HCLS1: variants seen among roughly 807,000 people sequenced by gnomAD.
HCLS1 encodes hematopoietic cell-specific Lyn substrate 1.
Under a neutral mutation model 68.6 loss-of-function variants are expected in HCLS1, and 44 were observed. That is an observed-to-expected ratio of 0.64 (90% CI 0.50 to 0.82). The LOEUF is 0.82. HCLS1 is among the 40% of genes least tolerant of loss of function. The pLI is 0.00. For missense variants in HCLS1, 602 were observed against 612.1 expected, an observed-to-expected ratio of 0.98 and a Z score of 0.17; for synonymous variants, 217 against 225.8, an observed-to-expected ratio of 0.96 and a Z score of 0.35.
chr3:121,651,305 G>C (rs1360138220), intron 3 of HCLS1, among the ~76,000 whole-genome samples: 1 of 152,110 alleles, frequency 6.6e-6, no homozygotes. Context: ...GATGTGAACA[G>C]ATACTTCATA....
At position 121,637,247 on chromosome 3, in the gene HCLS1, C is replaced by T. The variant is rs746622181; in HGVS notation, c.464G>A (p.Arg155His). ...CACCCCGTACCGGCCACCAAAGCCA[C>T]GAGAGTAATCTGTGGTCGAAGGAGC... ...EKHTSQKDYSRGFGGRYGVEK... is the reference protein window; with the variant it reads ...EKHTSQKDYSHGFGGRYGVEK... Residue 155 changes from arginine (R) to histidine (H), a missense_variant, in exon 7 of 14, where the codon CGT becomes CAT. By Grantham distance (29) the Arg-to-His change is conservative. Coordinates refer to ENST00000314583, the MANE Select transcript of HCLS1 (RefSeq NM_005335.6). The T allele has an allele frequency of 7.6e-5, 123 of 1,612,898 alleles. No homozygotes were observed. In the Admixed American group the frequency reaches 1.0e-3, roughly 14 times the overall value.
chr3:121,643,159 T>C (rs993798239), intron 5 of HCLS1, 178 bp from the exon 6 acceptor site: 16 of 554,812 alleles, frequency 2.9e-5, no homozygotes, highest in Middle Eastern at 4.9e-4. Context: ...GCAATGAACA[T>C]AGGCCCTGGA....
At chr3:121,647,845 C>A (rs1445791476) in intron 3 of HCLS1, among the ~76,000 whole-genome samples, 2 of 152,138 alleles carry the variant, frequency 1.3e-5, no homozygotes, top group Non-Finnish European at 1.5e-5. Context: ...TATTCACATA[C>A]CATTGGACCT....
Position 121,649,699 on chromosome 3 carries a change from T to G in HCLS1, c.159-2251A>C, listed in dbSNP as rs574051865. ...GAAAACAAAAAATTCCAATTCAATATGCTGTGTTGTGCCTAAGAAACTTTT... is the reference window on the plus strand; with the variant it reads ...GAAAACAAAAAATTCCAATTCAATAGGCTGTGTTGTGCCTAAGAAACTTTT... On this transcript the variant is annotated intron_variant, in intron 3 of 13. Transcript: ENST00000314583. Among the ~76,000 whole-genome samples, 4 of 152,376 alleles carry G rather than the reference T, an allele frequency of 2.6e-5. No individual in the cohort carries two copies. The South Asian group carries it at 8.3e-4, about 32-fold the overall frequency.
At chr3:121,639,841 A>G (rs915275739) in intron 6 of HCLS1, among the ~76,000 whole-genome samples, 1 of 152,238 alleles carries the variant, frequency 6.6e-6, no homozygotes, top group Non-Finnish European at 1.5e-5. Context: ...CAATTATCTA[A>G]GTTTCTACTT....
Position 121,642,880 on chromosome 3 carries a change from G to A in HCLS1, c.454+47C>T, listed in dbSNP as rs369094417. The A allele has an allele frequency of 1.9e-4, 278 of 1,459,740 alleles. 1 individual carries two copies. Among genetic ancestry groups the A allele is most frequent in the Non-Finnish European group, 2.6e-4 (274 of 1,039,678 alleles). 90.4% of individuals were successfully genotyped at this position (1,459,740 alleles called of 1,614,324 possible). ...TGGAAGATAAAGTCTTAGCAGAAGA[G>A]CCTGCCGGTCAGATTGCTGAGGCTG... On this transcript the variant is annotated intron_variant, in intron 6 of 13. Transcript: ENST00000314583.
At chr3:121,654,918 A>G (rs1380299077) in intron 3 of HCLS1, among the ~76,000 whole-genome samples, 2 of 152,158 alleles carry the variant, frequency 1.3e-5, no homozygotes, top group African/African-American at 4.8e-5. Context: ...AATAGTGGAG[A>G]CTTACTACTG....
In HCLS1 at chr3:121,644,902, G is replaced by A. The variant is rs375971571; in HGVS notation, c.315C>T (p.Ala105=). 123 of 1,613,704 alleles carry A rather than the reference G, an allele frequency of 7.6e-5. No homozygotes were observed. The highest frequency in any genetic ancestry group is 8.9e-5 in the Non-Finnish European group (105 of 1,179,836). ...DKSAVGHEYV[A]EVEKHSSQTD... ...TCTGAGAAGAGTGCTTCTCCACCTC[G>A]GCAACATACTCATGGCCCACTGCAC... Residue 105 remains alanine (A), a synonymous_variant, in exon 5 of 14, where the codon GCC becomes GCT. Transcript: ENST00000314583.
rs746323611 is a variant in HCLS1 at position 121,632,583 on chromosome 3, A to T, written c.1009-20T>A. 1.9e-4 allele frequency: 298 copies of T among 1,594,960 alleles called. No homozygotes were observed. Among genetic ancestry groups the T allele is most frequent in the Non-Finnish European group, 2.3e-4 (273 of 1,168,574 alleles). On this transcript the variant is annotated intron_variant, in intron 11 of 13. Transcript: ENST00000314583. ...ATTGTCCTGAGAAGAGACAGTGTGG[A>T]GCACTGTGACTTCCACTTTCCAGGA... is the stretch of plus-strand genomic sequence containing the variant.
rs773864484 is a variant in HCLS1 at position 121,637,226 on chromosome 3, C to G, written c.485G>C (p.Gly162Ala). 1 of 1,614,028 alleles carries G rather than the reference C, an allele frequency of 6.2e-7. No individual in the cohort carries two copies. The highest frequency in any genetic ancestry group is 1.1e-5 in the South Asian group (1 of 91,080). Residue 162 changes from glycine to alanine, a missense_variant, in exon 7 of 14, where the codon GGG becomes GCG. Coordinates refer to ENST00000314583, the MANE Select transcript of HCLS1 (RefSeq NM_005335.6). ...DYSRGFGGRY[G>A]VEKDKWDKAA... is the part of the protein sequence containing the mutation. ...TTTGTCCCATTTATCCTTCTCCACC[C>G]CGTACCGGCCACCAAAGCCACGAGA...
At chr3:121,657,577 A>C (rs1937899661) in intron 2 of HCLS1, among the ~76,000 whole-genome samples, 1 of 152,148 alleles carries the variant, frequency 6.6e-6, no homozygotes, top group African/African-American at 2.4e-5. Context: ...GCATTTTAGG[A>C]GGCCGAGGCG....
rs751518676 is a variant in HCLS1 at position 121,636,450 on chromosome 3, T to C, written c.605A>G (p.Lys202Arg). Reference sequence around the variant, plus strand: ...GTGCTTTACCTTATCCACTCGGTCCTTCTGGATTCCATACTGGCCACCAAA... The same window carrying C: ...GTGCTTTACCTTATCCACTCGGTCCCTCTGGATTCCATACTGGCCACCAAA... ...KGFGGQYGIQ[K>R]DRVDKSAVGF... Residue 202 changes from lysine to arginine, a missense_variant, in exon 8 of 14, where the codon AAG becomes AGG. Physicochemically the swap from Lys to Arg is conservative, Grantham distance 26. Transcript: ENST00000314583. The C allele has an allele frequency of 6.2e-7, 1 of 1,613,556 alleles. No homozygotes were observed. The highest frequency in any genetic ancestry group is 1.1e-5 in the South Asian group (1 of 91,074).
rs373015540 is a variant in HCLS1 at position 121,634,356 on chromosome 3, G to A, written c.754C>T (p.Arg252Ter). Reference sequence around the variant, plus strand: ...TGCTGTGCCTTCTCCTCTTCCTCTCGCTTCCTCTTCTCCTCAGCCATGGAC... The same window carrying A: ...TGCTGTGCCTTCTCCTCTTCCTCTCACTTCCTCTTCTCCTCAGCCATGGAC... ...FESMAEEKRK[R>*]EEEEKAQQVA... The change falls in exon 10 of 14, where the codon CGA becomes TGA. Residue 252 changes from arginine (R) to a stop codon, truncating the protein, a stop_gained. Coordinates refer to ENST00000314583, the MANE Select transcript of HCLS1 (RefSeq NM_005335.6). LOFTEE classifies it high-confidence loss of function. 32 of 1,613,806 alleles carry A rather than the reference G, an allele frequency of 2.0e-5. No individual in the cohort carries two copies. The highest frequency in any genetic ancestry group is 2.5e-5 in the Non-Finnish European group (30 of 1,179,888).
intron 4 of HCLS1, among the ~76,000 whole-genome samples, chr3:121,646,338 T>C (rs1343251442): frequency 2.0e-5 from 2 of 100,922 alleles, no homozygotes; most frequent in African/African-American, 4.1e-5. Context: ...ATATATTAAT[T>C]ATAGTATATA....
At chr3:121,642,185 C>A (rs2049207650) in intron 6 of HCLS1, among the ~76,000 whole-genome samples, 1 of 149,930 alleles carries the variant, frequency 6.7e-6, no homozygotes, top group South Asian at 2.1e-4. Flanking sequence ...TAGGGCCGGG[C>A]ACGGTGGCTC....
At position 121,632,492 on chromosome 3, in the gene HCLS1, G is replaced by A. The variant is rs779862401; in HGVS notation, c.1080C>T (p.Tyr360=). The change falls in exon 12 of 14, where the codon TAC becomes TAT. Residue 360 remains tyrosine, a synonymous_variant. Coordinates refer to ENST00000314583, the MANE Select transcript of HCLS1 (RefSeq NM_005335.6). ...CGGGCTCAGGCTCAGGCTCTGCTTC[G>A]TACACTGGCTCTTCCTCCACCTGGA... ...EGLQVEEEPV[Y]EAEPEPEPEP... 1.3e-4 allele frequency: 175 copies of A among 1,356,116 alleles called. No individual in the cohort carries two copies. In the South Asian group the frequency reaches 1.6e-3, roughly 12 times the overall value. 84.0% of individuals were successfully genotyped at this position (1,356,116 alleles called of 1,614,324 possible).
chr3:121,658,420 G>T, intron 1 of HCLS1, 73 bp from the exon 2 acceptor site: 1 of 1,147,778 alleles, frequency 8.7e-7, no homozygotes, highest in Non-Finnish European at 1.3e-6. Flanking sequence ...GAATGCTGAA[G>T]TCAAAATATA....
intron 3 of HCLS1, among the ~76,000 whole-genome samples, chr3:121,654,704 T>C (rs1937823457): frequency 1.3e-5 from 2 of 152,206 alleles, no homozygotes. Context: ...CCACTTCCTT[T>C]TCCTGCTTTT....
intron 2 of HCLS1, 129 bp from the exon 3 acceptor site, chr3:121,657,481 C>T (rs923230047): frequency 2.7e-5 from 21 of 766,370 alleles, no homozygotes; most frequent in South Asian, 1.4e-4. Context: ...TCTTTATTCA[C>T]ATCCCCTCTA....
Sources: allele counts gnomAD v4.1 joint callset (sites outside exome capture counted in the v4.1 genomes callset), GRCh38; gene constraint gnomAD v4.1.1; transcripts MANE v1.5; gene names NCBI Gene and HGNC (gene_info 2026-07-23, HGNC 2026-07-21).